The following PDE6D variants were observed in gnomAD, a reference collection of about 807,000 sequenced individuals.
PDE6D encodes phosphodiesterase 6D, also known as retinal rod rhodopsin-sensitive cGMP 3',5'-cyclic phosphodiesterase subunit delta.
PDE6D carries 10 observed loss-of-function variants against 21.9 expected under a neutral mutation model. That is an observed-to-expected ratio of 0.46 (90% CI 0.28 to 0.78). The LOEUF is 0.78. Among genes scored for constraint, PDE6D ranks in the 30% least tolerant of loss-of-function variants. The pLI is 0.12. For missense variants in PDE6D, 139 were observed against 184.8 expected, an observed-to-expected ratio of 0.75 and a Z score of 1.44; for synonymous variants, 59 against 63.5, an observed-to-expected ratio of 0.93 and a Z score of 0.34.
In PDE6D at chr2:231,753,563, A is replaced by C. The variant is rs191909329; in HGVS notation, c.51-14375T>G. On this transcript the variant is annotated intron_variant, in intron 1 of 4. Coordinates refer to ENST00000287600, the MANE Select transcript of PDE6D (RefSeq NM_002601.4). Reference sequence around the variant, plus strand: ...AAGACCCTGTCTCAAAAAAAATAAAATAAATAAATAAAAATAAATAAACAA... The same window carrying C: ...AAGACCCTGTCTCAAAAAAAATAAACTAAATAAATAAAAATAAATAAACAA... Among the ~76,000 whole-genome samples the C allele has an allele frequency of 8.6e-3, 1,304 of 151,752 alleles. 12 individuals carry two copies. Among genetic ancestry groups the C allele is most frequent in the African/African-American group, 0.029 (1,220 of 41,500 alleles).
At chr2:231,751,800 T>C in intron 1 of PDE6D, among the ~76,000 whole-genome samples, 1 of 152,224 alleles carries the variant, frequency 6.6e-6, no homozygotes, top group Non-Finnish European at 1.5e-5. Flanking sequence ...CGATCGATGC[T>C]GATGTTAACC....
At position 231,781,260 on chromosome 2, in the gene PDE6D, T is replaced by C. The variant is rs774277945; in HGVS notation, c.-146A>G. On this transcript the variant is annotated 5_prime_UTR_variant, in exon 1 of 5. Coordinates refer to ENST00000287600, the MANE Select transcript of PDE6D (RefSeq NM_002601.4). ...GGCCAGACCAGGACCGGCCTCTCTC[T>C]CCCCTCAGCTCCCGCTTCTGATCCC... 1,132 of 668,094 alleles carry C rather than the reference T, an allele frequency of 1.7e-3. 6 individuals are homozygous for C. The highest frequency in any genetic ancestry group is 2.2e-3 in the Non-Finnish European group (816 of 379,008). 41.4% of individuals were successfully genotyped at this position (668,094 alleles called of 1,614,324 possible). A position where few individuals can be genotyped will look rare whatever the true frequency, so the allele number is the denominator to read the frequency against.
chr2:231,775,825 A>C (rs188679627), intron 1 of PDE6D, among the ~76,000 whole-genome samples: 2 of 152,318 alleles, frequency 1.3e-5, no homozygotes, highest in East Asian at 3.8e-4. Context: ...GGAGACAATA[A>C]GCCAATATTA....
chr2:231,775,946 T>C (rs55680222), intron 1 of PDE6D, among the ~76,000 whole-genome samples: 26,937 of 152,200 alleles, frequency 0.18, 2,769 homozygotes, highest in Non-Finnish European at 0.23. Context: ...TGTCAGTTTC[T>C]TGTTAATTTA....
rs546985183 is a variant in PDE6D at position 231,737,281 on chromosome 2, C to T, written c.277G>A (p.Glu93Lys). The part of the protein sequence containing the change: ...KGQCLEEWFF[E>K]FGFVIPNSTN... ...GAGTTAGGGATCACAAAGCCAAACT[C>T]GAAGAACCATTCTGAAGGAAGAAGG... The change falls in exon 4 of 5, where the codon GAG becomes AAG. Residue 93 changes from glutamate (E) to lysine (K), a missense_variant. Glu to Lys is a moderately conservative substitution (Grantham distance 56). Transcript: ENST00000287600. The T allele has an allele frequency of 1.3e-5, 21 of 1,605,568 alleles. No individual in the cohort carries two copies. Among genetic ancestry groups the T allele is most frequent in the East Asian group, 2.2e-5 (1 of 44,814 alleles).
chr2:231,751,337 T>C (rs1023270542), intron 1 of PDE6D, among the ~76,000 whole-genome samples: 14 of 152,136 alleles, frequency 9.2e-5, no homozygotes, highest in African/African-American at 3.4e-4. Context: ...TTAAAAACAT[T>C]TTTTATAGAG....
chr2:231,778,208 G>C (rs1216099617), intron 1 of PDE6D, among the ~76,000 whole-genome samples: 21 of 152,218 alleles, frequency 1.4e-4, no homozygotes, highest in Admixed American at 1.4e-3. Flanking sequence ...GGAGGTTGCA[G>C]TGAGCCAAGA....
At chr2:231,744,635 G>A (rs1461606775) in intron 1 of PDE6D, among the ~76,000 whole-genome samples, 2 of 151,968 alleles carry the variant, frequency 1.3e-5, no homozygotes, top group Non-Finnish European at 2.9e-5. Context: ...GTTTCTCCAT[G>A]TTGGTCAGGC....
At chr2:231,760,405 T>C (rs1044184405) in intron 1 of PDE6D, among the ~76,000 whole-genome samples, 1 of 152,184 alleles carries the variant, frequency 6.6e-6, no homozygotes, top group Non-Finnish European at 1.5e-5. Context: ...CATAACCCTA[T>C]GAAATAGGCA....
At chr2:231,749,585 G>A (rs112283469) in intron 1 of PDE6D, among the ~76,000 whole-genome samples, 5,576 of 150,508 alleles carry the variant, frequency 0.037, 326 homozygotes, top group African/African-American at 0.12. Context: ...AGGCTGGAGT[G>A]CAGTGGTGTG....
chr2:231,733,825 G>A (rs140347818), intron 4 of PDE6D, among the ~76,000 whole-genome samples: 334 of 151,692 alleles, frequency 2.2e-3, no homozygotes, highest in African/African-American at 7.7e-3. Context: ...TTCTTGGTGG[G>A]TATCTCGGTG....
intron 1 of PDE6D, among the ~76,000 whole-genome samples, chr2:231,754,357 CTT>C (rs1032135919): frequency 2.2e-4 from 29 of 132,622 alleles, no homozygotes; most frequent in Non-Finnish European, 2.1e-4. Flanking sequence ...TGGCTTTTGT[CTT>C]TTTTTTTTTT....
chr2:231,761,181 T>C (rs2048921770), intron 1 of PDE6D, among the ~76,000 whole-genome samples: 1 of 149,542 alleles, frequency 6.7e-6, no homozygotes, highest in African/African-American at 2.4e-5. Context: ...CAATAATTCT[T>C]TTTTTTTTTT....
intron 1 of PDE6D, among the ~76,000 whole-genome samples, chr2:231,754,843 C>T (rs1423125732): frequency 6.6e-6 from 1 of 152,158 alleles, no homozygotes; most frequent in Non-Finnish European, 1.5e-5. Context: ...GGATAATCTT[C>T]TTCTTGCTCT....
intron 1 of PDE6D, among the ~76,000 whole-genome samples, chr2:231,744,416 A>C (rs2048775071): frequency 1.3e-5 from 2 of 151,944 alleles, no homozygotes; most frequent in South Asian, 4.2e-4. Flanking sequence ...TAACCAGGTT[A>C]AGGACTTAAT....
chr2:231,768,445 C>T (rs890639925), intron 1 of PDE6D, among the ~76,000 whole-genome samples: 2 of 152,030 alleles, frequency 1.3e-5, no homozygotes, highest in Non-Finnish European at 2.9e-5. Flanking sequence ...TGCTGGAGTG[C>T]GGTGGCGTGA....
chr2:231,733,428 G>A (rs956286405), intron 4 of PDE6D, among the ~76,000 whole-genome samples: 1 of 152,116 alleles, frequency 6.6e-6, no homozygotes, highest in East Asian at 1.9e-4. Flanking sequence ...CTTCCCTACA[G>A]TACTCACAAT....
chr2:231,750,355 AAT>A (rs2048828355), intron 1 of PDE6D, among the ~76,000 whole-genome samples: 1 of 152,162 alleles, frequency 6.6e-6, no homozygotes, highest in Admixed American at 6.6e-5. Context: ...AAATTTGGGC[AAT>A]ATGTTTCATT....
intron 1 of PDE6D, among the ~76,000 whole-genome samples, chr2:231,749,759 C>G (rs944384665): frequency 6.6e-6 from 1 of 152,126 alleles, no homozygotes; most frequent in African/African-American, 2.4e-5. Context: ...GTCTTGAACT[C>G]CTGACCTCAG....
Sources: allele counts gnomAD v4.1 joint callset (sites outside exome capture counted in the v4.1 genomes callset), GRCh38; gene constraint gnomAD v4.1.1; transcripts MANE v1.5; gene names NCBI Gene and HGNC (gene_info 2026-07-23, HGNC 2026-07-21).